Variants in DLG2 observed in about 807,000 individuals in gnomAD.
DLG2 encodes disks large homolog 2.
In DLG2, 45 loss-of-function variants were observed where a neutral mutation model predicts 132.5. That is an observed-to-expected ratio of 0.34 (90% CI 0.27 to 0.44). The LOEUF is 0.44. DLG2 is among the 20% of genes least tolerant of loss of function. The probability of loss-of-function intolerance (pLI) is 1.00; values close to 1 mark genes in which losing one functional copy is unlikely to be tolerated. For missense variants in DLG2, 1,045 were observed against 1,196.9 expected (o/e 0.87, Z 1.87); for synonymous variants, 424 against 419.6 (o/e 1.01, Z -0.13).
chr11:83,752,092 C>T (rs1475576543), intron 18 of DLG2, among the ~76,000 whole-genome samples: 2 of 152,062 alleles, frequency 1.3e-5, no homozygotes, highest in African/African-American at 4.8e-5. Flanking sequence ...CACGGTGAAA[C>T]CCCGTCTCTA....
rs2083366130 is a variant in DLG2 at position 85,352,418 on chromosome 11, C to T, written c.41-67053G>A. On this transcript the variant is annotated intron_variant, in intron 3 of 27. Coordinates refer to ENST00000376104, the MANE Select transcript of DLG2 (RefSeq NM_001142699.3). ...TGTGTCTCTATCTCCTTCAGTTCTG[C>T]TCTGATATTAGTTATTTCTTGCCTT... Among the ~76,000 whole-genome samples, 5 of 152,244 alleles carry T rather than the reference C, an allele frequency of 3.3e-5. No individual in the cohort carries two copies. In the South Asian group the frequency reaches 1.0e-3, roughly 32 times the overall value.
chr11:83,702,586 G>A (rs1437335215), intron 18 of DLG2, among the ~76,000 whole-genome samples: 1 of 152,150 alleles, frequency 6.6e-6, no homozygotes, highest in Non-Finnish European at 1.5e-5. Context: ...TGAAGGCAGA[G>A]GAAGCTAGGC....
At chr11:85,356,805 T>TAGATAGAC (rs989710172) in intron 3 of DLG2, among the ~76,000 whole-genome samples, 4 of 151,196 alleles carry the variant, frequency 2.6e-5, no homozygotes, top group Non-Finnish European at 5.9e-5. Flanking sequence ...GATAGATAGA[T>TAGATAGAC]AGATAGATAG....
intron 3 of DLG2, chr11:85,510,108 C>T (rs1032853003): frequency 6.8e-6 from 1 of 147,506 alleles, no homozygotes; most frequent in African/African-American, 2.5e-5. Context: ...AAGAAAGCTA[C>T]CCAGGATGAA....
intron 4 of DLG2, among the ~76,000 whole-genome samples, chr11:85,233,179 C>G (rs2075391609): frequency 6.6e-6 from 1 of 151,704 alleles, no homozygotes; most frequent in African/African-American, 2.4e-5. Context: ...TTTCTTGGTG[C>G]TATTTCCCAC....
At chr11:85,627,401 A>G (rs1159842968), upstream of DLG2, 1 of 152,210 alleles carries the variant, frequency 6.6e-6, no homozygotes, top group Non-Finnish European at 1.5e-5. Flanking sequence ...AGTGCTACTC[A>G]ATGGGCACTT....
chr11:84,412,151 A>G (rs936980727), intron 7 of DLG2, among the ~76,000 whole-genome samples: 2 of 152,080 alleles, frequency 1.3e-5, no homozygotes, highest in African/African-American at 4.8e-5. Flanking sequence ...GGTGATGATG[A>G]TTATGAGAAT....
intron 3 of DLG2, among the ~76,000 whole-genome samples, chr11:85,431,399 G>T (rs1255849467): frequency 6.6e-6 from 1 of 152,172 alleles, no homozygotes; most frequent in Non-Finnish European, 1.5e-5. Flanking sequence ...CCACTGAACT[G>T]TGCAACCCAT....
chr11:84,548,102 C>A (rs1328848424), intron 6 of DLG2, among the ~76,000 whole-genome samples: 7 of 152,038 alleles, frequency 4.6e-5, no homozygotes, highest in Non-Finnish European at 1.0e-4. Flanking sequence ...GGTATGACAT[C>A]CCTGACAAAG....
chr11:84,214,087 T>C (rs1040686889), intron 8 of DLG2, among the ~76,000 whole-genome samples: 1 of 150,542 alleles, frequency 6.6e-6, no homozygotes, highest in African/African-American at 2.4e-5. Flanking sequence ...ATTAAAACAG[T>C]AATTTAAAAA....
At chr11:85,603,560 C>G (rs548934561) in intron 2 of DLG2, among the ~76,000 whole-genome samples, 6 of 151,748 alleles carry the variant, frequency 4.0e-5, no homozygotes, top group Admixed American at 3.3e-4. Context: ...ATAACTAAAG[C>G]CTTTTTTTTT....
intron 8 of DLG2, among the ~76,000 whole-genome samples, chr11:84,218,315 GAGAA>G (rs200883334): frequency 0.031 from 4,203 of 134,054 alleles, 70 homozygotes; most frequent in South Asian, 0.084. Context: ...AAGAGAGAGA[GAGAA>G]AGAAAGAGAA....
intron 19 of DLG2, among the ~76,000 whole-genome samples, chr11:83,623,092 C>T (rs1260803679): frequency 6.6e-6 from 1 of 152,130 alleles, no homozygotes; most frequent in Admixed American, 6.5e-5. Context: ...AGTCCGGGTG[C>T]TCCAATGTTG....
intron 6 of DLG2, among the ~76,000 whole-genome samples, chr11:85,065,248 T>C (rs1176148755): frequency 1.3e-5 from 2 of 151,636 alleles, no homozygotes; most frequent in African/African-American, 2.4e-5. Context: ...GGGCTCTCTG[T>C]GGAGCTATCT....
At chr11:84,350,682 C>G (rs1462691980) in intron 7 of DLG2, among the ~76,000 whole-genome samples, 1 of 152,106 alleles carries the variant, frequency 6.6e-6, no homozygotes, top group Non-Finnish European at 1.5e-5. Context: ...TGTTGTTATC[C>G]CTCATTGGGG....
intron 3 of DLG2, among the ~76,000 whole-genome samples, chr11:85,510,254 T>C (rs1259928135): frequency 6.6e-6 from 1 of 151,976 alleles, no homozygotes; most frequent in African/African-American, 2.4e-5. Flanking sequence ...GCAGAAGTCA[T>C]ACCAGGAAGA....
chr11:84,168,355 A>G (rs1296110906), intron 8 of DLG2, among the ~76,000 whole-genome samples: 1 of 152,246 alleles, frequency 6.6e-6, no homozygotes, highest in Non-Finnish European at 1.5e-5. Context: ...ACGATGTTCT[A>G]ATCCTTCTCC....
chr11:84,800,593 G>C (rs2075246053), intron 6 of DLG2: 1 of 152,056 alleles, frequency 6.6e-6, no homozygotes, highest in Admixed American at 6.6e-5. Context: ...GAAGGCCAAG[G>C]CATCTAGAAA....
intron 9 of DLG2, among the ~76,000 whole-genome samples, chr11:84,132,337 T>C (rs78542141): frequency 0.019 from 2,964 of 152,114 alleles, 74 homozygotes; most frequent in African/African-American, 0.066. Flanking sequence ...AAGCTTGTAG[T>C]TGGAGAATTC....
Sources: allele counts gnomAD v4.1 joint callset (sites outside exome capture counted in the v4.1 genomes callset), GRCh38; gene constraint gnomAD v4.1.1; transcripts MANE v1.5; gene names NCBI Gene and HGNC (gene_info 2026-07-23, HGNC 2026-07-21).